CNTN4: variants seen among roughly 807,000 people sequenced by gnomAD.
The protein encoded by CNTN4 is contactin-4.
CNTN4 carries 77 observed loss-of-function variants against 122.5 expected under a neutral mutation model. The observed-to-expected ratio is 0.63, with a 90% CI of 0.52 to 0.76. The LOEUF is 0.76. CNTN4 is among the 30% of genes least tolerant of loss of function. The pLI is 0.00. For missense variants in CNTN4, 1,256 were observed against 1,259.1 expected, an observed-to-expected ratio of 1.00 and a Z score of 0.04; for synonymous variants, 512 against 447.0, an observed-to-expected ratio of 1.15 and a Z score of -1.83.
At chr3:2,104,910 A>T (rs2032306110) in intron 2 of CNTN4, among the ~76,000 whole-genome samples, 1 of 151,598 alleles carries the variant, frequency 6.6e-6, no homozygotes, top group Non-Finnish European at 1.5e-5. Context: ...TTTAATTTTG[A>T]CCTCTATTAC....
Position 3,056,938 on chromosome 3 carries a change from C to T in CNTN4, c.*718C>T, listed in dbSNP as rs929884922. The T allele has an allele frequency of 5.2e-5, 8 of 152,632 alleles. No homozygotes were observed. Among genetic ancestry groups the T allele is most frequent in the African/African-American group, 1.9e-4 (8 of 41,452 alleles). 9.5% of individuals were successfully genotyped at this position (152,632 alleles called of 1,614,324 possible). On this transcript the variant is annotated 3_prime_UTR_variant, in exon 25 of 25. Coordinates refer to ENST00000418658, the MANE Select transcript of CNTN4 (RefSeq NM_175607.3). ...GAGGCACCTTGTGCAATATTCCCAT[C>T]CCTGAATTTAGCATTGTACAGGAAG...
intron 7 of CNTN4, among the ~76,000 whole-genome samples, chr3:2,847,567 G>A (rs752401943): frequency 2.0e-5 from 3 of 152,110 alleles, no homozygotes; most frequent in Non-Finnish European, 2.9e-5. Flanking sequence ...CCTTAGCCCC[G>A]GCCCTGCTGC....
chr3:2,613,647 T>C lies in CNTN4; in HGVS notation c.55+42089T>C, dbSNP rs1180359723. ...CTAATTTTGACTCCAATTTTTGCTA[T>C]ATGATCAGAGTTACACTATAATTCA... On this transcript the variant is annotated intron_variant, in intron 4 of 24. Coordinates refer to ENST00000418658, the MANE Select transcript of CNTN4 (RefSeq NM_175607.3). 4.6e-5 allele frequency among the ~76,000 whole-genome samples: 7 copies of C among 152,282 alleles called. No homozygotes were observed. In the East Asian group the frequency reaches 1.2e-3, roughly 25 times the overall value.
chr3:2,967,161 G>A, intron 13 of CNTN4, among the ~76,000 whole-genome samples: 1 of 152,130 alleles, frequency 6.6e-6, no homozygotes, highest in South Asian at 2.1e-4. Context: ...TGAGTCAGGA[G>A]TTCTGATTGG....
At chr3:2,987,414 AG>A (rs1311480135) in intron 13 of CNTN4, among the ~76,000 whole-genome samples, 2 of 152,228 alleles carry the variant, frequency 1.3e-5, no homozygotes, top group African/African-American at 4.8e-5. Flanking sequence ...AATGGATTTG[AG>A]GGACAAGGGT....
chr3:3,029,730 C>T (rs1368880685), intron 15 of CNTN4, among the ~76,000 whole-genome samples: 2 of 152,154 alleles, frequency 1.3e-5, no homozygotes, highest in Non-Finnish European at 2.9e-5. Context: ...TGACTTTAGG[C>T]AAGACTCCTA....
intron 4 of CNTN4, among the ~76,000 whole-genome samples, chr3:2,617,013 T>C (rs2149882959): frequency 6.6e-6 from 1 of 152,190 alleles, no homozygotes; most frequent in South Asian, 2.1e-4. Flanking sequence ...AAGGCTTAAG[T>C]GTAAAAACCA....
chr3:2,920,792 G>C (rs1186248478), intron 12 of CNTN4, among the ~76,000 whole-genome samples: 1 of 130,736 alleles, frequency 7.6e-6, no homozygotes, highest in Non-Finnish European at 1.7e-5. Flanking sequence ...TCTCATGATT[G>C]TAAAATTCTT....
intron 13 of CNTN4, among the ~76,000 whole-genome samples, chr3:2,933,791 G>A (rs1186853439): frequency 6.6e-6 from 1 of 152,146 alleles, no homozygotes; most frequent in East Asian, 1.9e-4. Flanking sequence ...TCTGAGTTCT[G>A]GAATAGAGAC....
At chr3:2,998,542 A>T (rs1371253414) in intron 14 of CNTN4, among the ~76,000 whole-genome samples, 1 of 152,126 alleles carries the variant, frequency 6.6e-6, no homozygotes, top group Non-Finnish European at 1.5e-5. Context: ...AAAGACACAG[A>T]GCTGTGTTCA....
rs758346979 is a variant in CNTN4 at position 3,014,898 on chromosome 3, C to G, written c.1487-11204C>G. Among the ~76,000 whole-genome samples, 67 of 50,760 alleles carry G rather than the reference C, an allele frequency of 1.3e-3. No individual in the cohort carries two copies. In the Middle Eastern group the frequency reaches 0.12, roughly 95 times the overall value. The allele number at this position is 50,760 out of a possible 152,430, so 33.3% of individuals were successfully genotyped here. On this transcript the variant is annotated intron_variant, in intron 14 of 24. Transcript: ENST00000418658. ...CGATTGGTTTTTTTTTTTTTTTTTT[C>G]TCTTTGGGTCAGCAACTCTCAATAG...
intron 3 of CNTN4, among the ~76,000 whole-genome samples, chr3:2,537,447 T>C (rs973622999): frequency 6.6e-6 from 1 of 152,138 alleles, no homozygotes; most frequent in Non-Finnish European, 1.5e-5. Flanking sequence ...CAGGATACTT[T>C]ATGTTGTCTT....
At chr3:2,306,040 T>A (rs1452215803) in intron 2 of CNTN4, among the ~76,000 whole-genome samples, 1 of 152,208 alleles carries the variant, frequency 6.6e-6, no homozygotes, top group African/African-American at 2.4e-5. Context: ...CATCATTTGA[T>A]GGACTTTGGG....
chr3:2,315,395 G>A (rs1420196564), intron 2 of CNTN4, among the ~76,000 whole-genome samples: 2 of 151,992 alleles, frequency 1.3e-5, no homozygotes, highest in South Asian at 2.1e-4. Context: ...CGAGAAGTGG[G>A]ATGCTGTTAT....
chr3:2,491,937 C>A lies in CNTN4; in HGVS notation c.-88-79479C>A, dbSNP rs543300852. Among the ~76,000 whole-genome samples the A allele has an allele frequency of 3.6e-4, 55 of 152,146 alleles. No homozygotes were observed. The South Asian group carries it at 0.011, about 32-fold the overall frequency. The stretch of plus-strand genomic sequence containing the variant: ...TTTTACTTTGTTTCATAAATCTATA[C>A]TGTAAACTTTTTAGGCAATGATTAT... On this transcript the variant is annotated intron_variant, in intron 3 of 24. Coordinates refer to ENST00000418658, the MANE Select transcript of CNTN4 (RefSeq NM_175607.3).
chr3:2,134,289 C>A (rs2034583384), intron 2 of CNTN4, among the ~76,000 whole-genome samples: 1 of 152,148 alleles, frequency 6.6e-6, no homozygotes, highest in Admixed American at 6.5e-5. Context: ...TTTATTAAAT[C>A]AGAATCTCCA....
chr3:2,209,568 C>CTG (rs2038515118), intron 2 of CNTN4, among the ~76,000 whole-genome samples: 1 of 152,106 alleles, frequency 6.6e-6, no homozygotes, highest in Non-Finnish European at 1.5e-5. Context: ...TCCTTCAACC[C>CTG]TGTGCTGGGT....
intron 2 of CNTN4, among the ~76,000 whole-genome samples, chr3:2,111,614 C>A (rs913722001): frequency 2.0e-5 from 3 of 152,078 alleles, no homozygotes; most frequent in African/African-American, 7.2e-5. Flanking sequence ...GATTCATATC[C>A]TGTCTCTACT....
intron 13 of CNTN4, among the ~76,000 whole-genome samples, chr3:2,943,884 A>G (rs781086967): frequency 6.6e-6 from 1 of 151,846 alleles, no homozygotes; most frequent in Non-Finnish European, 1.5e-5. Context: ...GGCTGGTAAT[A>G]TTTATAATGG....
Sources: allele counts gnomAD v4.1 joint callset (sites outside exome capture counted in the v4.1 genomes callset), GRCh38; gene constraint gnomAD v4.1.1; transcripts MANE v1.5; gene names NCBI Gene and HGNC (gene_info 2026-07-23, HGNC 2026-07-21).